The following KIAA1549L variants were observed in gnomAD, a reference collection of about 807,000 sequenced individuals.
KIAA1549L encodes UPF0606 protein KIAA1549L.
In KIAA1549L, 88 loss-of-function variants were observed where a neutral mutation model predicts 160.7. That is an observed-to-expected ratio of 0.55 (90% confidence interval 0.46 to 0.65). KIAA1549L has a LOEUF of 0.65. Among genes scored for constraint, KIAA1549L ranks in the 30% least tolerant of loss-of-function variants. The pLI is 0.00. For synonymous variants in KIAA1549L, 950 were observed against 976.7 expected (o/e 0.97, Z 0.51); for missense variants, 2,258 against 2,437.5 (o/e 0.93, Z 1.55).
chr11:33,486,856 A>C (rs559918047), intron 1 of KIAA1549L, among the ~76,000 whole-genome samples: 3 of 152,202 alleles, frequency 2.0e-5, no homozygotes, highest in Non-Finnish European at 4.4e-5. Flanking sequence ...TGGAGCAGGT[A>C]TTCTCAGCGT....
At chr11:33,547,208 A>G (rs72913028) in intron 3 of KIAA1549L, among the ~76,000 whole-genome samples, 6 of 152,372 alleles carry the variant, frequency 3.9e-5, no homozygotes, top group Non-Finnish European at 8.8e-5. Flanking sequence ...GTTCCTATGG[A>G]AATTTTCCCT....
At chr11:33,551,314 C>A in intron 5 of KIAA1549L, 55 bp downstream of exon 5, 2 of 1,443,446 alleles carry the variant, frequency 1.4e-6, no homozygotes, top group Non-Finnish European at 1.9e-6. Context: ...AGGGCCAGTA[C>A]CAAGTGGACA....
chr11:33,571,479 C>T (rs530047615), intron 9 of KIAA1549L, among the ~76,000 whole-genome samples: 5 of 152,260 alleles, frequency 3.3e-5, no homozygotes, highest in South Asian at 2.1e-4. Context: ...TTAACTGGCT[C>T]ATGGTTCTGC....
intron 4 of KIAA1549L, among the ~76,000 whole-genome samples, chr11:33,550,198 TTG>T (rs1854411772): frequency 6.6e-6 from 1 of 152,024 alleles, no homozygotes; most frequent in Non-Finnish European, 1.5e-5. Flanking sequence ...AGATTGTATA[TTG>T]TGTGTTTTTT....
At chr11:33,474,282 A>G (rs1017475962) in intron 1 of KIAA1549L, among the ~76,000 whole-genome samples, 1 of 152,198 alleles carries the variant, frequency 6.6e-6, no homozygotes, top group Admixed American at 6.5e-5. Flanking sequence ...GTGAAGCCTT[A>G]AATTTGCCCT....
intron 8 of KIAA1549L, among the ~76,000 whole-genome samples, chr11:33,564,142 C>G (rs924626138): frequency 1.3e-5 from 2 of 152,170 alleles, no homozygotes; most frequent in Non-Finnish European, 2.9e-5. Context: ...GGGCTGGAAC[C>G]AGGTCTTAGG....
chr11:33,563,666 G>T (rs1854951099), intron 8 of KIAA1549L, among the ~76,000 whole-genome samples: 1 of 152,192 alleles, frequency 6.6e-6, no homozygotes, highest in African/African-American at 2.4e-5. Context: ...TACCTGCTAA[G>T]AAGGCAAACA....
intron 1 of KIAA1549L, among the ~76,000 whole-genome samples, chr11:33,475,195 C>G (rs1852258680): frequency 6.6e-6 from 1 of 152,122 alleles, no homozygotes; most frequent in South Asian, 2.1e-4. Context: ...TTATGGAGCC[C>G]TGATTCATAG....
chr11:33,447,558 G>GCATC (rs1309870574), intron 1 of KIAA1549L, among the ~76,000 whole-genome samples: 3 of 130,400 alleles, frequency 2.3e-5, no homozygotes, highest in Admixed American at 8.9e-5. Context: ...GTGCATGCAT[G>GCATC]CATCCATCCA....
intron 1 of KIAA1549L, among the ~76,000 whole-genome samples, chr11:33,539,611 G>A (rs1421891014): frequency 3.9e-5 from 6 of 152,172 alleles, no homozygotes; most frequent in African/African-American, 1.4e-4. Flanking sequence ...TCCTCCTTCT[G>A]TTTTTCAGTA....
intron 1 of KIAA1549L, among the ~76,000 whole-genome samples, chr11:33,462,358 CCTT>C (rs901976346): frequency 2.0e-5 from 3 of 152,146 alleles, no homozygotes; most frequent in African/African-American, 4.8e-5. Flanking sequence ...TATATATTAA[CCTT>C]CTAAATGTTT....
intron 9 of KIAA1549L, among the ~76,000 whole-genome samples, chr11:33,573,737 A>AT (rs1385787406): frequency 6.6e-6 from 1 of 152,198 alleles, no homozygotes; most frequent in African/African-American, 2.4e-5. Flanking sequence ...AAAGTTGATA[A>AT]CCAATGTTCG....
At chr11:33,489,303 G>A (rs1267073297) in intron 1 of KIAA1549L, among the ~76,000 whole-genome samples, 2 of 152,180 alleles carry the variant, frequency 1.3e-5, no homozygotes, top group African/African-American at 4.8e-5. Context: ...CAAGGCATGT[G>A]TGCATGCAGA....
At chr11:33,663,148 A>T (rs1418446148) in intron 20 of KIAA1549L, among the ~76,000 whole-genome samples, 1 of 152,194 alleles carries the variant, frequency 6.6e-6, no homozygotes, top group Non-Finnish European at 1.5e-5. Context: ...CACCTTCCAC[A>T]TCTATGTGAG....
At chr11:33,475,600 C>T (rs561457266) in intron 1 of KIAA1549L, among the ~76,000 whole-genome samples, 76 of 151,714 alleles carry the variant, frequency 5.0e-4, no homozygotes, top group African/African-American at 1.7e-3. Flanking sequence ...TGCCTGTAAT[C>T]CCAGCACCTT....
At chr11:33,646,419 T>C (rs965752553) in intron 17 of KIAA1549L, among the ~76,000 whole-genome samples, 1 of 152,180 alleles carries the variant, frequency 6.6e-6, no homozygotes, top group Non-Finnish European at 1.5e-5. Context: ...TGTGGCCTGG[T>C]GGTTTAAGCG....
chr11:33,485,229 CT>C, intron 1 of KIAA1549L, among the ~76,000 whole-genome samples: 1 of 152,322 alleles, frequency 6.6e-6, no homozygotes, highest in South Asian at 2.1e-4. Context: ...CAACTTGCCC[CT>C]TTCGAGTCCC....
intron 1 of KIAA1549L, among the ~76,000 whole-genome samples, chr11:33,518,138 C>CAAAAAAAAAAAAAAAAAAA (rs560876643): frequency 2.4e-4 from 14 of 59,412 alleles, no homozygotes; most frequent in African/African-American, 9.2e-4. Context: ...GACTCTGTCT[C>CAAAAAAAAAAAAAAAAAAA]AAAAAAAAAA....
chr11:33,613,223 A>G (rs913514910), intron 15 of KIAA1549L, among the ~76,000 whole-genome samples: 1 of 152,190 alleles, frequency 6.6e-6, no homozygotes, highest in Non-Finnish European at 1.5e-5. Flanking sequence ...TCCCACCAAC[A>G]GTGTATAAGA....
Sources: gnomAD v4.1 joint callset for allele counts (sites outside exome capture counted in the v4.1 genomes callset) on GRCh38, gnomAD v4.1.1 for gene constraint, MANE v1.5 for transcripts, NCBI Gene and HGNC (gene_info 2026-07-23, HGNC 2026-07-21) for gene names.